ARSF: variants seen among roughly 807,000 people sequenced by gnomAD.
ARSF encodes arylsulfatase F.
Under a neutral mutation model 35.4 loss-of-function variants are expected in ARSF, and 33 were observed. The ratio of observed to expected loss-of-function variants is 0.93; its 90% CI spans 0.71 to 1.25. The LOEUF (loss-of-function observed/expected upper bound fraction) is 1.25. ARSF is among the 50% of genes most tolerant of loss of function. The probability of loss-of-function intolerance (pLI) is 0.00; values close to 1 mark genes in which losing one functional copy is unlikely to be tolerated. For synonymous variants in ARSF, 222 were observed against 193.1 expected (o/e 1.15, Z -1.24); for missense variants, 501 against 480.2 (o/e 1.04, Z -0.40).
intron 1 of ARSF, among the ~76,000 whole-genome samples, chrX:3,061,816 C>T (rs1433532205): frequency 9.0e-6 from 1 of 111,304 alleles, no homozygotes; most frequent in Non-Finnish European, 1.9e-5. Flanking sequence ...TCCTTAGAGA[C>T]CTACAAAGAG....
intron 10 of ARSF, among the ~76,000 whole-genome samples, chrX:3,111,104 T>C (rs1603465204): frequency 9.1e-6 from 1 of 109,839 alleles, no homozygotes; most frequent in African/African-American, 3.3e-5. Context: ...AGCCAGCACC[T>C]TGGGTGCATG....
rs73635401 is a variant in ARSF at position 3,112,139 on chromosome X, C to A, written c.1391-35C>A. Reference sequence around the variant, plus strand: ...TTCTTCCTTTGATCTGGCTGAAGTGCGCATCATTTGACGAGTCTCTCTTTT... The same window carrying A: ...TTCTTCCTTTGATCTGGCTGAAGTGAGCATCATTTGACGAGTCTCTCTTTT... On this transcript the variant is annotated intron_variant, in intron 10 of 10. Transcript: ENST00000381127. The A allele has an allele frequency of 8.0e-6, 9 of 1,123,557 alleles. No homozygotes were observed. In the East Asian group the frequency reaches 9.0e-5, roughly 11 times the overall value. 92.6% of individuals were successfully genotyped at this position (1,123,557 alleles called of 1,213,427 possible). A position where few individuals can be genotyped will look rare whatever the true frequency, so the allele number is the denominator to read the frequency against.
chrX:3,112,039 G>A, intron 10 of ARSF, 135 bp from the exon 11 acceptor site: 1 of 483,080 alleles, frequency 2.1e-6, no homozygotes, highest in Non-Finnish European at 3.5e-6. Context: ...TGTGTGACCA[G>A]GTTCTTAACA....
At chrX:3,071,309 G>T (rs1603464335) in intron 2 of ARSF, among the ~76,000 whole-genome samples, 1 of 110,705 alleles carries the variant, frequency 9.0e-6, no homozygotes, top group African/African-American at 3.3e-5. Flanking sequence ...TGTTGTTGTT[G>T]TTGTTGTTGT....
At chrX:3,093,477 A>G (rs1366315882) in intron 7 of ARSF, among the ~76,000 whole-genome samples, 1 of 111,142 alleles carries the variant, frequency 9.0e-6, no homozygotes, top group Non-Finnish European at 1.9e-5. Context: ...TGAGTACCCA[A>G]TGTTTAACTC....
chrX:3,051,491 A>G (rs1464063043), intron 1 of ARSF, among the ~76,000 whole-genome samples: 1 of 112,152 alleles, frequency 8.9e-6, no homozygotes, highest in African/African-American at 3.2e-5. Context: ...GAGTTCCGTG[A>G]TGAAACGTAA....
intron 1 of ARSF, among the ~76,000 whole-genome samples, chrX:3,052,031 A>G (rs1289452311): frequency 2.7e-5 from 3 of 111,337 alleles, no homozygotes; most frequent in Non-Finnish European, 5.7e-5. Flanking sequence ...CAAAAAACAA[A>G]AAAAAACTTG....
intron 1 of ARSF, among the ~76,000 whole-genome samples, chrX:3,043,767 T>C (rs983195314): frequency 2.7e-5 from 3 of 110,872 alleles, no homozygotes; most frequent in African/African-American, 9.8e-5. Flanking sequence ...AGTTTATTTA[T>C]TGTCTGTTTG....
intron 3 of ARSF, among the ~76,000 whole-genome samples, chrX:3,073,072 CAT>C (rs1330927883): frequency 4.4e-4 from 42 of 95,888 alleles, no homozygotes; most frequent in African/African-American, 1.5e-3. Context: ...AATATATAAA[CAT>C]ATATTTATAT....
At chrX:3,055,533 C>T (rs1277715927) in intron 1 of ARSF, among the ~76,000 whole-genome samples, 11 of 110,137 alleles carry the variant, frequency 1.0e-4, no homozygotes, top group Middle Eastern at 4.6e-3. Flanking sequence ...CACAGAAATA[C>T]GTATATATGG....
intron 3 of ARSF, among the ~76,000 whole-genome samples, chrX:3,075,981 C>G (rs866277055): frequency 2.1e-5 from 1 of 47,051 alleles, no homozygotes; most frequent in African/African-American, 7.5e-5. Flanking sequence ...CTCCCTCCAT[C>G]TGTCTCTTTT....
intron 1 of ARSF, among the ~76,000 whole-genome samples, chrX:3,053,411 C>T (rs1474943053): frequency 3.8e-5 from 4 of 105,785 alleles, no homozygotes; most frequent in African/African-American, 1.4e-4. Flanking sequence ...TCACTGCAAA[C>T]TCTGCCTCCC....
intron 6 of ARSF, among the ~76,000 whole-genome samples, chrX:3,088,961 T>C (rs2090268700): frequency 2.7e-5 from 3 of 111,277 alleles, no homozygotes; most frequent in Admixed American, 9.6e-5. Context: ...AATGGAATCA[T>C]CAGAATATGG....
At chrX:3,111,033 T>G (rs1425308274) in intron 10 of ARSF, among the ~76,000 whole-genome samples, 1 of 112,160 alleles carries the variant, frequency 8.9e-6, no homozygotes, top group African/African-American at 3.2e-5. Flanking sequence ...TATTTAGCAT[T>G]GACGTGTGGG....
chrX:3,073,390 C>A (rs965616167), intron 3 of ARSF, among the ~76,000 whole-genome samples: 1 of 101,750 alleles, frequency 9.8e-6, no homozygotes, highest in Non-Finnish European at 2.0e-5. Flanking sequence ...AGAGGTTCAG[C>A]GACTTCTCCA....
intron 6 of ARSF, among the ~76,000 whole-genome samples, chrX:3,084,943 T>C (rs897563353): frequency 8.9e-6 from 1 of 111,851 alleles, no homozygotes; most frequent in Non-Finnish European, 1.9e-5. Flanking sequence ...TCTTAAACTA[T>C]GCACATCTAT....
chrX:3,092,871 C>G (rs1194337266), intron 7 of ARSF, among the ~76,000 whole-genome samples: 3 of 112,206 alleles, frequency 2.7e-5, no homozygotes, highest in African/African-American at 6.5e-5. Flanking sequence ...ACCTTCCTGC[C>G]TTTTATAATT....
At chrX:3,112,144 C>A (rs2090449477) in intron 10 of ARSF, 30 bp from the exon 11 acceptor site, 2 of 1,151,618 alleles carry the variant, frequency 1.7e-6, no homozygotes, top group East Asian at 6.0e-5. Context: ...AAGTGCGCAT[C>A]ATTTGACGAG....
At chrX:3,081,380 A>G (rs1259356664) in intron 5 of ARSF, among the ~76,000 whole-genome samples, 1 of 111,748 alleles carries the variant, frequency 8.9e-6, no homozygotes, top group Non-Finnish European at 1.9e-5. Context: ...TGTGTCACCC[A>G]GGCTGGAGCA....
Sources: allele counts gnomAD v4.1 joint callset (sites outside exome capture counted in the v4.1 genomes callset), GRCh38; gene constraint gnomAD v4.1.1; transcripts MANE v1.5; gene names NCBI Gene and HGNC (gene_info 2026-07-23, HGNC 2026-07-21).